NPAS3: variants seen among roughly 807,000 people sequenced by gnomAD.
NPAS3 encodes neuronal PAS domain protein 3, also known as neuronal PAS domain-containing protein 3.
A neutral mutation model predicts 73.1 loss-of-function variants in NPAS3; 14 were observed. The observed-to-expected ratio is 0.19, with a 90% CI of 0.13 to 0.30. The LOEUF (loss-of-function observed/expected upper bound fraction) is 0.30. Ranked by LOEUF, NPAS3 falls within the 10% of genes least tolerant of loss-of-function variation. NPAS3 has a pLI of 1.00. For missense variants in NPAS3, 1,096 were observed against 1,250.0 expected, an observed-to-expected ratio of 0.88 and a Z score of 1.86; for synonymous variants, 620 against 541.5, an observed-to-expected ratio of 1.14 and a Z score of -2.01.
At chr14:33,704,438 T>TC (rs2060604751) in intron 6 of NPAS3, among the ~76,000 whole-genome samples, 1 of 152,208 alleles carries the variant, frequency 6.6e-6, no homozygotes, top group African/African-American at 2.4e-5. Context: ...AGTTAAGACA[T>TC]TATTTTACTT....
intron 2 of NPAS3, among the ~76,000 whole-genome samples, chr14:33,083,554 A>T (rs530320217): frequency 1.3e-3 from 199 of 152,280 alleles, no homozygotes; most frequent in Admixed American, 2.9e-3. Flanking sequence ...TGTTACTTCT[A>T]GGGGAAACAG....
rs574133134 is a variant in NPAS3, at chr14:33,387,224, A to G, written c.468+19956A>G. Among the ~76,000 whole-genome samples, 4 of 152,282 alleles carry G rather than the reference A, an allele frequency of 2.6e-5. No individual in the cohort carries two copies. The South Asian group carries it at 6.2e-4, about 24-fold the overall frequency. On this transcript the variant is annotated intron_variant, in intron 4 of 11. Coordinates refer to ENST00000356141, the Ensembl canonical transcript of NPAS3. ...TGTCAGATGAGTAATAATCATTTTA[A>G]GCTACCTCAGTGTTGTCAGCCCCTC... is the stretch of plus-strand genomic sequence containing the variant.
chr14:33,505,089 TACAC>T (rs1470964490), intron 4 of NPAS3, among the ~76,000 whole-genome samples: 3 of 152,028 alleles, frequency 2.0e-5, no homozygotes, highest in African/African-American at 4.8e-5. Context: ...AACAAGTTAA[TACAC>T]ACAGCAGTTA....
chr14:33,101,458 G>A (rs1030063651), intron 2 of NPAS3, among the ~76,000 whole-genome samples: 1 of 152,104 alleles, frequency 6.6e-6, no homozygotes, highest in Admixed American at 6.6e-5. Flanking sequence ...GGTGGCACAG[G>A]TTTGCTGATT....
chr14:33,337,880 G>A lies in NPAS3; in HGVS notation c.386-29306G>A, dbSNP rs549713077. Among the ~76,000 whole-genome samples, 9 of 151,958 alleles carry A rather than the reference G, an allele frequency of 5.9e-5. No homozygotes were observed. The East Asian group carries it at 1.7e-3, about 29-fold the overall frequency. ...GAATTTAATTTTCAAATATTTGCTA[G>A]TATATTGAAATACAGTTGATTCTTG... On this transcript the variant is annotated intron_variant, in intron 3 of 11. Transcript: ENST00000356141.
At chr14:32,992,679 G>C (rs1229723076) in intron 1 of NPAS3, among the ~76,000 whole-genome samples, 2 of 152,156 alleles carry the variant, frequency 1.3e-5, no homozygotes, top group Non-Finnish European at 2.9e-5. Flanking sequence ...ATCTTCATGT[G>C]AAGATACTAA....
chr14:33,357,418 T>C (rs773466945), intron 3 of NPAS3, among the ~76,000 whole-genome samples: 3 of 152,206 alleles, frequency 2.0e-5, no homozygotes, highest in Non-Finnish European at 2.9e-5. Flanking sequence ...GAGGCCCTGA[T>C]TGCAGTTGGC....
At chr14:33,298,626 T>C (rs2042402276) in intron 3 of NPAS3, among the ~76,000 whole-genome samples, 1 of 152,220 alleles carries the variant, frequency 6.6e-6, no homozygotes, top group African/African-American at 2.4e-5. Context: ...CTTTCCTATA[T>C]GTTTTCCCTT....
intron 4 of NPAS3, among the ~76,000 whole-genome samples, chr14:33,468,096 G>C (rs923591530): frequency 6.6e-6 from 1 of 152,158 alleles, no homozygotes; most frequent in East Asian, 1.9e-4. Context: ...GCATGCAAAT[G>C]CAATCGTTTC....
At position 33,021,071 on chromosome 14, in the gene NPAS3, A is replaced by T. The variant is rs116569033; in HGVS notation, c.51-34834A>T. Among the ~76,000 whole-genome samples, 448 of 152,272 alleles carry T rather than the reference A, an allele frequency of 2.9e-3. 3 individuals are homozygous for T. The highest frequency in any genetic ancestry group is 0.01 in the African/African-American group (427 of 41,564). ...GAGCCACTGCACCCGGCCAGGTCCG[A>T]CATTTTTATGTTCAACTCTATTCTT... On this transcript the variant is annotated intron_variant, in intron 1 of 11. Coordinates refer to ENST00000356141, the Ensembl canonical transcript of NPAS3.
At chr14:33,689,626 A>G (rs987920292) in intron 6 of NPAS3, among the ~76,000 whole-genome samples, 2 of 152,152 alleles carry the variant, frequency 1.3e-5, no homozygotes, top group Non-Finnish European at 2.9e-5. Context: ...ACCCACAGAT[A>G]CACACATACA....
At chr14:33,140,929 T>A (rs547438706) in intron 2 of NPAS3, among the ~76,000 whole-genome samples, 7 of 152,186 alleles carry the variant, frequency 4.6e-5, no homozygotes, top group Non-Finnish European at 7.4e-5. Context: ...TTGGTATCAG[T>A]CCATCAATTC....
intron 2 of NPAS3, among the ~76,000 whole-genome samples, chr14:33,077,800 G>GTTTTTTTTTTTTTTTTTTTT: frequency 4.6e-5 from 1 of 21,922 alleles, no homozygotes; most frequent in Non-Finnish European, 1.6e-4. Context: ...GCCCCTTTTG[G>GTTTTTTTTTTTTTTTTTTTT]CTTCAATTTA....
chr14:33,730,619 A>C (rs1368416468), intron 6 of NPAS3, among the ~76,000 whole-genome samples: 1 of 152,210 alleles, frequency 6.6e-6, no homozygotes, highest in East Asian at 1.9e-4. Context: ...TGACTAAAGC[A>C]AGCCACGTGA....
intron 4 of NPAS3, among the ~76,000 whole-genome samples, chr14:33,518,540 C>T (rs907137430): frequency 6.6e-6 from 1 of 150,810 alleles, no homozygotes; most frequent in Admixed American, 6.6e-5. Context: ...CATCACTCTG[C>T]AATATATCTG....
intron 3 of NPAS3, among the ~76,000 whole-genome samples, chr14:33,267,869 C>T (rs1438055804): frequency 2.6e-5 from 4 of 152,098 alleles, no homozygotes; most frequent in African/African-American, 9.7e-5. Context: ...TGAGTCTTGG[C>T]CACTCTGCTC....
intron 5 of NPAS3, among the ~76,000 whole-genome samples, chr14:33,600,993 A>G (rs1346825428): frequency 1.3e-5 from 2 of 152,106 alleles, no homozygotes; most frequent in African/African-American, 4.8e-5. Context: ...AAAAGGTTCT[A>G]ACAGTGGAGC....
intron 3 of NPAS3, among the ~76,000 whole-genome samples, chr14:33,238,781 C>G (rs243291): frequency 0.47 from 71,574 of 151,522 alleles, 17,589 homozygotes; most frequent in South Asian, 0.72. Flanking sequence ...GTTCTTTTAC[C>G]AAGGCAAATG....
At chr14:33,586,208 T>C (rs139272824) in intron 5 of NPAS3, among the ~76,000 whole-genome samples, 4 of 128,298 alleles carry the variant, frequency 3.1e-5, no homozygotes, top group African/African-American at 1.2e-4. Context: ...TAAAACCAAA[T>C]AACAACAATC....
Sources: gnomAD v4.1 joint callset for allele counts (sites outside exome capture counted in the v4.1 genomes callset) on GRCh38, gnomAD v4.1.1 for gene constraint, MANE v1.5 for transcripts, NCBI Gene and HGNC (gene_info 2026-07-23, HGNC 2026-07-21) for gene names.